The following ITFG1 variants were observed in gnomAD, a reference collection of about 807,000 sequenced individuals.
ITFG1 encodes the protein T-cell immunomodulatory protein.
Under a neutral mutation model 81.8 loss-of-function variants are expected in ITFG1, and 34 were observed. The ratio of observed to expected loss-of-function variants is 0.42; its 90% CI spans 0.32 to 0.55. The LOEUF is 0.55. Among genes scored for constraint, ITFG1 ranks in the 20% least tolerant of loss-of-function variants. The probability of loss-of-function intolerance (pLI) is 0.17; values close to 1 mark genes in which losing one functional copy is unlikely to be tolerated. For synonymous variants in ITFG1, 285 were observed against 270.6 expected (o/e 1.05, Z -0.52); for missense variants, 672 against 755.4 (o/e 0.89, Z 1.29).
intron 8 of ITFG1, among the ~76,000 whole-genome samples, chr16:47,322,680 A>C (rs576630297): frequency 6.6e-6 from 1 of 152,214 alleles, no homozygotes; most frequent in East Asian, 1.9e-4. Flanking sequence ...ATACAGTGAG[A>C]CTCTGTCTCA....
intron 8 of ITFG1, among the ~76,000 whole-genome samples, chr16:47,346,316 C>G (rs1967854408): frequency 6.6e-6 from 1 of 152,158 alleles, no homozygotes; most frequent in African/African-American, 2.4e-5. Flanking sequence ...GGGAATTAAA[C>G]AACATGCTCC....
intron 5 of ITFG1, among the ~76,000 whole-genome samples, chr16:47,436,771 C>T (rs938609095): frequency 6.6e-6 from 1 of 152,146 alleles, no homozygotes; most frequent in African/African-American, 2.4e-5. Flanking sequence ...AGGTCTTCTT[C>T]CTTTAAGCTG....
intron 5 of ITFG1, among the ~76,000 whole-genome samples, chr16:47,436,384 T>C (rs1470518678): frequency 2.0e-5 from 3 of 152,196 alleles, no homozygotes; most frequent in East Asian, 1.9e-4. Flanking sequence ...CCCTTTGAAG[T>C]TGAATTATTT....
intron 8 of ITFG1, among the ~76,000 whole-genome samples, chr16:47,365,009 A>T (rs565992971): frequency 6.6e-6 from 1 of 152,236 alleles, no homozygotes; most frequent in Non-Finnish European, 1.5e-5. Flanking sequence ...TCTTGCTATA[A>T]GCCTGTCACT....
chr16:47,302,255 T>C (rs1967087954), intron 10 of ITFG1, among the ~76,000 whole-genome samples: 1 of 152,188 alleles, frequency 6.6e-6, no homozygotes, highest in Non-Finnish European at 1.5e-5. Context: ...AAAATTTGTA[T>C]TCATATTTAA....
At position 47,238,011 on chromosome 16, in the gene ITFG1, G is replaced by T; in HGVS notation, c.1331-3C>A. 6.8e-7 allele frequency: 1 copy of T among 1,465,042 alleles called. No homozygotes were observed. The highest frequency in any genetic ancestry group is 9.2e-7 in the Non-Finnish European group (1 of 1,081,910). 90.8% of individuals were successfully genotyped at this position (1,465,042 alleles called of 1,614,324 possible). A position where few individuals can be genotyped will look rare whatever the true frequency, so the allele number is the denominator to read the frequency against. ...ATTAGAACACAGACCACTAAGAACT[G>T]TGGAAAAATAAACAGGCAATTATTA... is the stretch of plus-strand genomic sequence containing the variant. On this transcript the variant is annotated splice_region_variant and splice_polypyrimidine_tract_variant and intron_variant, in intron 12 of 17. Transcript: ENST00000320640.
intron 14 of ITFG1, among the ~76,000 whole-genome samples, chr16:47,172,637 C>T (rs1042072812): frequency 2.6e-5 from 4 of 152,034 alleles, no homozygotes; most frequent in African/African-American, 9.7e-5. Context: ...TTTCTTATAC[C>T]CTATATTCAA....
At chr16:47,444,611 T>C (rs1274345764) in intron 5 of ITFG1, among the ~76,000 whole-genome samples, 2 of 152,134 alleles carry the variant, frequency 1.3e-5, no homozygotes, top group African/African-American at 4.8e-5. Flanking sequence ...AAAATAAAAT[T>C]TCATAAGATA....
intron 14 of ITFG1, among the ~76,000 whole-genome samples, chr16:47,178,284 T>G (rs1428717547): frequency 6.6e-6 from 1 of 152,220 alleles, no homozygotes; most frequent in Non-Finnish European, 1.5e-5. Flanking sequence ...TTTGGGAAAA[T>G]CTAGTTTCCA....
rs1446658656 is a variant in ITFG1, at chr16:47,350,995, T to C, written c.802+14793A>G. On this transcript the variant is annotated intron_variant, in intron 8 of 17. Coordinates refer to ENST00000320640, the MANE Select transcript of ITFG1 (RefSeq NM_030790.5). ...TTTCAATAGATGCAGAAAAGGCCTTTGACAAAATTCAACAGCGCTTCATGC... is the reference window on the plus strand; with the variant it reads ...TTTCAATAGATGCAGAAAAGGCCTTCGACAAAATTCAACAGCGCTTCATGC... Among the ~76,000 whole-genome samples the C allele has an allele frequency of 2.0e-5, 3 of 152,126 alleles. 1 individual carries two copies. In the East Asian group the frequency reaches 5.8e-4, roughly 29 times the overall value.
chr16:47,240,346 A>G (rs1486761031), intron 12 of ITFG1, among the ~76,000 whole-genome samples: 2 of 151,558 alleles, frequency 1.3e-5, no homozygotes, highest in Non-Finnish European at 2.9e-5. Context: ...GTGGTGCTGG[A>G]TAATTGGTTA....
intron 10 of ITFG1, among the ~76,000 whole-genome samples, chr16:47,277,999 A>C (rs1966415835): frequency 6.6e-6 from 1 of 152,220 alleles, no homozygotes; most frequent in Non-Finnish European, 1.5e-5. Flanking sequence ...ATTATATATA[A>C]AATATAAGGC....
At chr16:47,368,274 G>A (rs1358241370) in intron 7 of ITFG1, among the ~76,000 whole-genome samples, 8 of 147,168 alleles carry the variant, frequency 5.4e-5, no homozygotes, top group Middle Eastern at 4.0e-3. Flanking sequence ...AGCATTGGCC[G>A]GGCATGGTGG....
At chr16:47,220,821 C>CA (rs975908215) in intron 13 of ITFG1, among the ~76,000 whole-genome samples, 1 of 151,888 alleles carries the variant, frequency 6.6e-6, no homozygotes, top group Non-Finnish European at 1.5e-5. Flanking sequence ...GTAAGGACCT[C>CA]AAAAAAATCT....
At position 47,167,187 on chromosome 16, in the gene ITFG1, A is replaced by G. The variant is rs188511265; in HGVS notation, c.1454-4523T>C. Among the ~76,000 whole-genome samples, 582 of 152,328 alleles carry G rather than the reference A, an allele frequency of 3.8e-3. 1 individual carries two copies. The highest frequency in any genetic ancestry group is 5.6e-3 in the Non-Finnish European group (383 of 68,034). The stretch of plus-strand genomic sequence containing the variant: ...ATAGAAGGTACCATACATGTGACCA[A>G]CTGTGTCTGGCTTCTTTCACTTAGC... On this transcript the variant is annotated intron_variant, in intron 14 of 17. Transcript: ENST00000320640.
intron 6 of ITFG1, among the ~76,000 whole-genome samples, chr16:47,427,219 T>C (rs1374292341): frequency 6.6e-6 from 1 of 152,326 alleles, no homozygotes; most frequent in South Asian, 2.1e-4. Context: ...ATGGATGATC[T>C]ATGCTGAGGA....
At chr16:47,161,636 G>A in intron 16 of ITFG1, 114 bp downstream of exon 16, 1 of 631,982 alleles carries the variant, frequency 1.6e-6, no homozygotes, top group Non-Finnish European at 2.9e-6. Context: ...CAAATTAAGG[G>A]ATGGGCACTC....
Position 47,272,545 on chromosome 16 carries a change from G to A in ITFG1, c.1071-11850C>T, listed in dbSNP as rs143079626. On this transcript the variant is annotated intron_variant, in intron 10 of 17. Transcript: ENST00000320640. ...TGAGTAGCTGGGATTACAGGCACGC[G>A]CCACCACGCCCAGCTAATTTTTGCA... Among the ~76,000 whole-genome samples the A allele has an allele frequency of 2.6e-3, 392 of 152,084 alleles. 3 individuals are homozygous for A. The highest frequency in any genetic ancestry group is 8.9e-3 in the African/African-American group (371 of 41,478).
At chr16:47,380,313 G>A (rs1389500393) in intron 6 of ITFG1, among the ~76,000 whole-genome samples, 1 of 152,204 alleles carries the variant, frequency 6.6e-6, no homozygotes, top group African/African-American at 2.4e-5. Flanking sequence ...ACTCTTTGCT[G>A]TTAACAGCTA....
Sources: gnomAD v4.1 joint callset for allele counts (sites outside exome capture counted in the v4.1 genomes callset) on GRCh38, gnomAD v4.1.1 for gene constraint, MANE v1.5 for transcripts, NCBI Gene and HGNC (gene_info 2026-07-23, HGNC 2026-07-21) for gene names.